KIF6: variants seen among roughly 807,000 people sequenced by gnomAD.
KIF6 encodes the protein kinesin-like protein KIF6.
A neutral mutation model predicts 112.7 loss-of-function variants in KIF6; 106 were observed. That is an observed-to-expected ratio of 0.94 (90% CI 0.80 to 1.11). The LOEUF (loss-of-function observed/expected upper bound fraction) is 1.11, where lower values mean the gene tolerates loss of function less well. Among genes scored for constraint, KIF6 ranks in the 50% least tolerant of loss-of-function variants. KIF6 has a pLI of 0.00. For synonymous variants in KIF6, 339 were observed against 339.9 expected, an observed-to-expected ratio of 1.00 and a Z score of 0.03; for missense variants, 929 against 964.0, an observed-to-expected ratio of 0.96 and a Z score of 0.48.
intron 10 of KIF6, 22 bp from the exon 11 acceptor site, chr6:39,545,710 G>A: frequency 6.8e-7 from 1 of 1,460,372 alleles, no homozygotes; most frequent in Non-Finnish European, 9.6e-7. Flanking sequence ...TAATGTATGA[G>A]AAGCAACTGT....
chr6:39,461,907 G>A (rs1773501144), intron 13 of KIF6, among the ~76,000 whole-genome samples: 1 of 152,168 alleles, frequency 6.6e-6, no homozygotes, highest in South Asian at 2.1e-4. Context: ...AAAGTGACAT[G>A]TAGTCCTTTC....
At chr6:39,400,630 G>A (rs1768628513) in intron 15 of KIF6, among the ~76,000 whole-genome samples, 1 of 152,206 alleles carries the variant, frequency 6.6e-6, no homozygotes, top group African/African-American at 2.4e-5. Flanking sequence ...GGAGTCATGT[G>A]AGTGTGTGGC....
At chr6:39,604,007 C>A (rs759811659) in intron 6 of KIF6, among the ~76,000 whole-genome samples, 5 of 152,072 alleles carry the variant, frequency 3.3e-5, no homozygotes, top group Non-Finnish European at 5.9e-5. Flanking sequence ...AAAGCATATG[C>A]CTGAGACTCC....
At chr6:39,349,460 G>C (rs1339632446) in intron 19 of KIF6, among the ~76,000 whole-genome samples, 2 of 151,950 alleles carry the variant, frequency 1.3e-5, no homozygotes, top group African/African-American at 4.8e-5. Flanking sequence ...AAAAGGAGAA[G>C]GGGGATGTAA....
chr6:39,572,240 A>T (rs1225647051), intron 10 of KIF6, among the ~76,000 whole-genome samples: 2 of 152,104 alleles, frequency 1.3e-5, no homozygotes, highest in South Asian at 2.1e-4. Flanking sequence ...GCATCCATTT[A>T]TTCTCTCCAT....
chr6:39,397,594 C>T (rs79333652), intron 15 of KIF6, among the ~76,000 whole-genome samples: 4 of 152,006 alleles, frequency 2.6e-5, no homozygotes, highest in Admixed American at 1.3e-4. Context: ...TGTTTCTTAC[C>T]GATCTCAGTC....
intron 3 of KIF6, among the ~76,000 whole-genome samples, chr6:39,649,056 G>C (rs369432107): frequency 6.6e-6 from 1 of 151,550 alleles, no homozygotes; most frequent in Non-Finnish European, 1.5e-5. Flanking sequence ...CTAGCTACTC[G>C]AGAGGCTAAG....
At chr6:39,562,489 C>T (rs763595436) in intron 10 of KIF6, among the ~76,000 whole-genome samples, 7 of 152,296 alleles carry the variant, frequency 4.6e-5, no homozygotes, top group South Asian at 2.1e-4. Context: ...TACCGAACCA[C>T]GCACACCAAT....
rs751248955 is a variant in KIF6 at position 39,540,179 on chromosome 6, T to C, written c.1469A>G (p.Gln490Arg). The change falls in exon 13 of 23, where the codon CAG (glutamine) becomes CGG (arginine). Residue 490 changes from glutamine (Q) to arginine (R), a missense_variant. Physicochemically the swap from Gln to Arg is conservative, Grantham distance 43. This residue lies in a region of KIF6 where 688 missense variants were observed against 662.7 expected (regional missense o/e 1.04). Coordinates refer to ENST00000287152, the MANE Select transcript of KIF6 (RefSeq NM_145027.6). The part of the protein sequence containing the change: ...NMLKKEKKKA[Q>R]EALHLAGMDR... ...CATGCCAGCCAAGTGGAGAGCCTCC[T>C]GAGCTTTCTTCTTTTCTTTTTTTAA... 5 of 1,613,156 alleles carry C rather than the reference T, an allele frequency of 3.1e-6. No individual in the cohort carries two copies. The highest frequency in any genetic ancestry group is 2.7e-5 in the African/African-American group (2 of 74,820).
At chr6:39,550,186 T>G (rs567657781) in intron 10 of KIF6, among the ~76,000 whole-genome samples, 10 of 152,250 alleles carry the variant, frequency 6.6e-5, no homozygotes, top group African/African-American at 9.6e-5. Context: ...GTTCTCATTA[T>G]TCTCAAATAA....
intron 13 of KIF6, among the ~76,000 whole-genome samples, chr6:39,439,752 T>C (rs1771795698): frequency 6.6e-6 from 1 of 152,098 alleles, no homozygotes; most frequent in Non-Finnish European, 1.5e-5. Context: ...CGAATACAAC[T>C]TGGTACTTTG....
intron 22 of KIF6, among the ~76,000 whole-genome samples, chr6:39,340,452 G>C (rs1763266338): frequency 1.3e-5 from 2 of 152,112 alleles, no homozygotes; most frequent in Non-Finnish European, 2.9e-5. Context: ...GTGGCCCAGT[G>C]GGGAGAGAGC....
intron 21 of KIF6, among the ~76,000 whole-genome samples, chr6:39,345,317 C>G (rs1344785504): frequency 2.6e-5 from 4 of 152,222 alleles, no homozygotes; most frequent in Non-Finnish European, 5.9e-5. Context: ...GCCCATGGTG[C>G]TGATCAACTC....
At chr6:39,557,290 G>A (rs1887717) in intron 10 of KIF6, among the ~76,000 whole-genome samples, 16,906 of 152,084 alleles carry the variant, frequency 0.11, 1,160 homozygotes, top group Middle Eastern at 0.22. Context: ...TCTAAAGCAA[G>A]TGTATGTAAA....
At chr6:39,388,783 A>C in intron 15 of KIF6, among the ~76,000 whole-genome samples, 1 of 152,142 alleles carries the variant, frequency 6.6e-6, no homozygotes, top group African/African-American at 2.4e-5. Flanking sequence ...ACACATCCCC[A>C]TCCAGAGGTA....
chr6:39,599,797 C>T (rs74518761), intron 6 of KIF6, among the ~76,000 whole-genome samples: 10 of 152,092 alleles, frequency 6.6e-5, no homozygotes, highest in Admixed American at 1.3e-4. Flanking sequence ...TCTTTAGCTT[C>T]GAAACTGATA....
At chr6:39,515,328 C>T (rs377668791) in intron 13 of KIF6, among the ~76,000 whole-genome samples, 8 of 152,182 alleles carry the variant, frequency 5.3e-5, no homozygotes, top group African/African-American at 7.2e-5. Context: ...TATCGGAAAG[C>T]GAGAAATAGG....
intron 13 of KIF6, among the ~76,000 whole-genome samples, chr6:39,433,138 G>A (rs73424674): frequency 6.6e-6 from 1 of 152,238 alleles, no homozygotes; most frequent in Non-Finnish European, 1.5e-5. Flanking sequence ...CACTGTGGCG[G>A]CAGCCACTCC....
chr6:39,330,882 A>G lies in KIF6; in HGVS notation c.*5650T>C, dbSNP rs1312557504. 1.3e-5 allele frequency: 2 copies of G among 152,228 alleles called. No individual in the cohort carries two copies. Among genetic ancestry groups the G allele is most frequent in the East Asian group, 3.8e-4 (2 of 5,200 alleles). 9.4% of individuals were successfully genotyped at this position (152,228 alleles called of 1,614,324 possible). On this transcript the variant is annotated 3_prime_UTR_variant, in exon 23 of 23. Coordinates refer to ENST00000287152, the MANE Select transcript of KIF6 (RefSeq NM_145027.6). Reference sequence around the variant, plus strand: ...GACACATATGTTTTCAACATCCAACATTCACAGCCAACCTCTCTACACCTG... The same window carrying G: ...GACACATATGTTTTCAACATCCAACGTTCACAGCCAACCTCTCTACACCTG...
Sources: gnomAD v4.1 joint callset for allele counts (sites outside exome capture counted in the v4.1 genomes callset) on GRCh38, gnomAD v4.1.1 for gene constraint, gnomAD v4.1.1 regional missense constraint, MANE v1.5 for transcripts, NCBI Gene and HGNC (gene_info 2026-07-23, HGNC 2026-07-21) for gene names.